B3GALT1: variants seen among roughly 807,000 people sequenced by gnomAD.
B3GALT1 encodes UDP-Gal:betaGlcNAc beta 1,3-galactosyltransferase, polypeptide 1.
In B3GALT1, 10 loss-of-function variants were observed where a neutral mutation model predicts 23.2. The observed-to-expected ratio is 0.43, with a 90% CI of 0.27 to 0.73. The LOEUF (loss-of-function observed/expected upper bound fraction) is 0.73, where lower values mean the gene tolerates loss of function less well. B3GALT1 is among the 30% of genes least tolerant of loss of function. The pLI, the probability that B3GALT1 is intolerant of heterozygous loss-of-function variation, is 0.21. For missense variants in B3GALT1, 299 were observed against 405.4 expected (o/e 0.74, Z 2.25); for synonymous variants, 156 against 141.5 (o/e 1.10, Z -0.73).
chr2:167,583,243 C>G (rs1333977826), intron 2 of B3GALT1, among the ~76,000 whole-genome samples: 4 of 152,226 alleles, frequency 2.6e-5, no homozygotes, highest in Middle Eastern at 3.4e-3. Flanking sequence ...CCCCCTTGTC[C>G]CTTGGATGCC....
intron 2 of B3GALT1, among the ~76,000 whole-genome samples, chr2:167,535,054 T>C (rs1311170626): frequency 6.6e-6 from 1 of 152,172 alleles, no homozygotes; most frequent in Non-Finnish European, 1.5e-5. Flanking sequence ...TCTAGGACCA[T>C]GATCGATTTC....
At chr2:167,655,599 G>A (rs190056678) in intron 3 of B3GALT1, among the ~76,000 whole-genome samples, 84 of 152,242 alleles carry the variant, frequency 5.5e-4, no homozygotes, top group Middle Eastern at 6.8e-3. Context: ...CAGATGGAAC[G>A]TGAGAATTCA....
intron 1 of B3GALT1, among the ~76,000 whole-genome samples, chr2:167,349,656 T>C (rs546746502): frequency 2.7e-4 from 41 of 152,236 alleles, no homozygotes; most frequent in African/African-American, 9.4e-4. Flanking sequence ...GATAAGTATG[T>C]AGCTAAAATG....
rs79824782 is a variant in B3GALT1, at chr2:167,301,947, G to C, written c.-511+8613G>C. ...GGTAAAAACAACAGACATCCACAGGGTGTATCAAGATACTTAAAAATACTC... is the reference window on the plus strand; with the variant it reads ...GGTAAAAACAACAGACATCCACAGGCTGTATCAAGATACTTAAAAATACTC... On this transcript the variant is annotated intron_variant, in intron 1 of 4. Coordinates refer to ENST00000392690, the MANE Select transcript of B3GALT1 (RefSeq NM_020981.4). Among the ~76,000 whole-genome samples, 255 of 152,216 alleles carry C rather than the reference G, an allele frequency of 1.7e-3. 11 individuals carry two copies. In the East Asian group the frequency reaches 0.047, roughly 28 times the overall value.
intron 3 of B3GALT1, among the ~76,000 whole-genome samples, chr2:167,675,579 A>G (rs1387119831): frequency 6.6e-6 from 1 of 152,160 alleles, no homozygotes; most frequent in Non-Finnish European, 1.5e-5. Context: ...GGTGATTGGA[A>G]TGGGAATTCA....
At chr2:167,629,624 AACTC>A (rs950440107) in intron 2 of B3GALT1, among the ~76,000 whole-genome samples, 5 of 151,874 alleles carry the variant, frequency 3.3e-5, no homozygotes, top group African/African-American at 9.6e-5. Flanking sequence ...TCTTTAAATT[AACTC>A]ACTCCTTTTT....
At chr2:167,470,169 G>T (rs1699403827) in intron 1 of B3GALT1, among the ~76,000 whole-genome samples, 1 of 152,074 alleles carries the variant, frequency 6.6e-6, no homozygotes, top group Non-Finnish European at 1.5e-5. Context: ...TATACCCATA[G>T]GGTGTGTGTT....
At chr2:167,330,549 G>A (rs761475566) in intron 1 of B3GALT1, among the ~76,000 whole-genome samples, 4 of 152,160 alleles carry the variant, frequency 2.6e-5, no homozygotes, top group South Asian at 2.1e-4. Context: ...GGTTGAGGCC[G>A]CAGTGAGCCA....
At chr2:167,748,880 G>A (rs894892972) in intron 3 of B3GALT1, among the ~76,000 whole-genome samples, 3 of 152,106 alleles carry the variant, frequency 2.0e-5, no homozygotes, top group Non-Finnish European at 2.9e-5. Context: ...TAAGTGATGA[G>A]AATCATTCTT....
At chr2:167,864,058 C>T (rs1332944868) in intron 4 of B3GALT1, among the ~76,000 whole-genome samples, 1 of 151,472 alleles carries the variant, frequency 6.6e-6, no homozygotes, top group Admixed American at 6.6e-5. Context: ...AAAGAACCTG[C>T]AATGTGTTTC....
intron 1 of B3GALT1, among the ~76,000 whole-genome samples, chr2:167,434,227 A>G (rs755784388): frequency 1.3e-5 from 2 of 152,152 alleles, no homozygotes; most frequent in Non-Finnish European, 2.9e-5. Flanking sequence ...CTGCTTGCCA[A>G]GAAAACCATA....
intron 3 of B3GALT1, among the ~76,000 whole-genome samples, chr2:167,681,030 T>C (rs1244786644): frequency 1.3e-5 from 2 of 152,178 alleles, no homozygotes; most frequent in Non-Finnish European, 2.9e-5. Context: ...TGTTGTTGTT[T>C]AACCAGAAAG....
At chr2:167,571,747 C>T (rs1456277589) in intron 2 of B3GALT1, among the ~76,000 whole-genome samples, 1 of 151,840 alleles carries the variant, frequency 6.6e-6, no homozygotes, top group Non-Finnish European at 1.5e-5. Flanking sequence ...GTAGCACTTC[C>T]GAAGTTAAGC....
intron 2 of B3GALT1, among the ~76,000 whole-genome samples, chr2:167,617,317 C>G (rs1472161372): frequency 6.6e-6 from 1 of 152,040 alleles, no homozygotes; most frequent in East Asian, 1.9e-4. Flanking sequence ...CATAATTGTT[C>G]CATCTCAGCA....
intron 1 of B3GALT1, among the ~76,000 whole-genome samples, chr2:167,404,446 T>G (rs1269399370): frequency 2.6e-5 from 4 of 152,184 alleles, no homozygotes; most frequent in Admixed American, 2.6e-4. Context: ...GTGATTGTAC[T>G]AAGCTGGAGA....
chr2:167,707,458 C>T (rs1388918272), intron 3 of B3GALT1, among the ~76,000 whole-genome samples: 10 of 151,968 alleles, frequency 6.6e-5, no homozygotes. Context: ...AAGATCTTGG[C>T]AGGTTTGAGT....
intron 1 of B3GALT1, among the ~76,000 whole-genome samples, chr2:167,364,041 A>C (rs1449402276): frequency 6.6e-6 from 1 of 151,778 alleles, no homozygotes; most frequent in African/African-American, 2.4e-5. Flanking sequence ...GCTGGCACCT[A>C]TAATCCCAGT....
intron 2 of B3GALT1, among the ~76,000 whole-genome samples, chr2:167,635,065 A>AATCCATCAC (rs1440257463): frequency 6.6e-6 from 1 of 152,124 alleles, no homozygotes; most frequent in Admixed American, 6.6e-5. Context: ...CAATAAACGT[A>AATCCATCAC]ATCCATCACA....
chr2:167,640,250 G>A (rs1685627048), intron 2 of B3GALT1, among the ~76,000 whole-genome samples: 1 of 151,980 alleles, frequency 6.6e-6, no homozygotes, highest in Admixed American at 6.6e-5. Flanking sequence ...CTCAACTATT[G>A]CCTCAGAATT....
Sources: allele counts gnomAD v4.1 joint callset (sites outside exome capture counted in the v4.1 genomes callset), GRCh38; gene constraint gnomAD v4.1.1; transcripts MANE v1.5; gene names NCBI Gene and HGNC (gene_info 2026-07-23, HGNC 2026-07-21).